FSTL4: variants seen among roughly 807,000 people sequenced by gnomAD.
FSTL4 encodes follistatin-related protein 4.
FSTL4 carries 28 observed loss-of-function variants against 78.2 expected under a neutral mutation model. The observed-to-expected ratio is 0.36, with a 90% confidence interval of 0.27 to 0.49. FSTL4 has a LOEUF of 0.49. FSTL4 is among the 20% of genes least tolerant of loss of function. The pLI is 0.98. For synonymous variants in FSTL4, 422 were observed against 440.5 expected, an observed-to-expected ratio of 0.96 and a Z score of 0.53; for missense variants, 922 against 1,084.9, an observed-to-expected ratio of 0.85 and a Z score of 2.11.
chr5:133,772,589 G>T, the FSTL4 span, among the ~76,000 whole-genome samples: 1 of 152,132 alleles, frequency 6.6e-6, no homozygotes, highest in Non-Finnish European at 1.5e-5. Flanking sequence ...CAAGTTCAAG[G>T]GGCCATACCT....
intron 4 of FSTL4, among the ~76,000 whole-genome samples, chr5:133,379,174 C>G (rs1418616417): frequency 1.3e-5 from 2 of 151,876 alleles, no homozygotes; most frequent in African/African-American, 4.8e-5. Flanking sequence ...GTTATATAAA[C>G]AGATAATAAT....
intron 3 of FSTL4, among the ~76,000 whole-genome samples, chr5:133,449,366 C>T (rs879204550): frequency 6.6e-6 from 1 of 152,324 alleles, no homozygotes; most frequent in Non-Finnish European, 1.5e-5. Context: ...TCAGGCACCA[C>T]ACAGAACCCT....
chr5:133,387,295 TGG>T (rs1755722860), intron 4 of FSTL4, among the ~76,000 whole-genome samples: 1 of 152,192 alleles, frequency 6.6e-6, no homozygotes, highest in South Asian at 2.1e-4. Context: ...GTCCAGTAAC[TGG>T]GAAAGTTATC....
chr5:133,776,089 G>A, the FSTL4 span, among the ~76,000 whole-genome samples: 2 of 152,080 alleles, frequency 1.3e-5, no homozygotes, highest in African/African-American at 4.8e-5. Flanking sequence ...TAGAGCAGGG[G>A]CTGAACATGC....
chr5:133,575,004 T>G (rs1319188515), intron 2 of FSTL4: 2 of 152,186 alleles, frequency 1.3e-5, no homozygotes, highest in Non-Finnish European at 2.9e-5. Flanking sequence ...TATGTTCACT[T>G]ACAAAATATT....
Position 133,316,672 on chromosome 5 carries a change from T to C in FSTL4, c.410-20A>G. 6.3e-7 allele frequency: 1 copy of C among 1,590,692 alleles called. No individual in the cohort carries two copies. The highest frequency in any genetic ancestry group is 1.1e-5 in the South Asian group (1 of 90,056). ...TGTCACCTGAAAGAGAAGGTGAGGT[T>C]ATTATTTTGAGACTTATCCCGTGGT... On this transcript the variant is annotated intron_variant, in intron 4 of 15. Coordinates refer to ENST00000265342, the MANE Select transcript of FSTL4 (RefSeq NM_015082.2).
At chr5:133,278,178 G>A (rs746105328) in intron 6 of FSTL4, among the ~76,000 whole-genome samples, 1 of 152,200 alleles carries the variant, frequency 6.6e-6, no homozygotes, top group Non-Finnish European at 1.5e-5. Context: ...CAGAAGCAGA[G>A]AGGTCCCATG....
rs181263036 is a variant in FSTL4 at position 133,330,707 on chromosome 5, A to G, written c.410-14055T>C. 2.8e-4 allele frequency among the ~76,000 whole-genome samples: 42 copies of G among 152,280 alleles called. 1 individual carries two copies. The East Asian group carries it at 6.9e-3, about 25-fold the overall frequency. ...TCAAATATATGTCATATTTGATGAC[A>G]TGTATCCATTTCAAGATAATAAAGG... On this transcript the variant is annotated intron_variant, in intron 4 of 15. Coordinates refer to ENST00000265342, the MANE Select transcript of FSTL4 (RefSeq NM_015082.2).
the FSTL4 span, among the ~76,000 whole-genome samples, chr5:133,742,359 C>T: frequency 6.6e-6 from 1 of 152,158 alleles, no homozygotes; most frequent in South Asian, 2.1e-4. Flanking sequence ...TAAGCACAGA[C>T]ATTTACAACC....
intron 3 of FSTL4, among the ~76,000 whole-genome samples, chr5:133,529,663 TC>T (rs1260650911): frequency 6.6e-6 from 1 of 152,036 alleles, no homozygotes; most frequent in Admixed American, 6.6e-5. Context: ...AGCTAAAAGA[TC>T]CCCAACCCAG....
the FSTL4 span, among the ~76,000 whole-genome samples, chr5:133,702,334 A>C: frequency 6.6e-6 from 1 of 152,182 alleles, no homozygotes; most frequent in Non-Finnish European, 1.5e-5. Flanking sequence ...AGCTCTAGAG[A>C]AGGCTATGGC....
At chr5:133,796,563 A>T in the FSTL4 span, among the ~76,000 whole-genome samples, 1 of 152,134 alleles carries the variant, frequency 6.6e-6, no homozygotes, top group African/African-American at 2.4e-5. Context: ...CCCCTGGAGC[A>T]TGACTGTCCA....
chr5:133,841,123 C>T, the FSTL4 span, among the ~76,000 whole-genome samples: 1 of 152,220 alleles, frequency 6.6e-6, no homozygotes, highest in Non-Finnish European at 1.5e-5. Context: ...GTGTCCACAA[C>T]AGTATCAGAC....
At chr5:133,210,500 A>C (rs1457226433) in intron 13 of FSTL4, among the ~76,000 whole-genome samples, 1 of 128,190 alleles carries the variant, frequency 7.8e-6, no homozygotes, top group Non-Finnish European at 1.7e-5. Context: ...TATTATTATT[A>C]TTAATTTTTG....
At chr5:133,434,787 A>G (rs1285434964) in intron 3 of FSTL4, among the ~76,000 whole-genome samples, 1 of 151,934 alleles carries the variant, frequency 6.6e-6, no homozygotes, top group Non-Finnish European at 1.5e-5. Context: ...GAATTTTATC[A>G]TTAAAAATTG....
intron 4 of FSTL4, among the ~76,000 whole-genome samples, chr5:133,386,100 T>A (rs1267092030): frequency 2.6e-5 from 4 of 152,192 alleles, no homozygotes; most frequent in Non-Finnish European, 5.9e-5. Context: ...CCTGCCAAGT[T>A]AGGGGTAATA....
intron 3 of FSTL4, among the ~76,000 whole-genome samples, chr5:133,504,562 G>A (rs1303360858): frequency 6.6e-6 from 1 of 152,106 alleles, no homozygotes; most frequent in Admixed American, 6.5e-5. Context: ...ACTGCTTTTA[G>A]GATCAACTCA....
At chr5:133,373,240 T>A (rs761801852) in intron 4 of FSTL4, among the ~76,000 whole-genome samples, 39 of 152,192 alleles carry the variant, frequency 2.6e-4, no homozygotes, top group Non-Finnish European at 5.1e-4. Context: ...CCTGCGGCTA[T>A]TACGAAGAGC....
chr5:133,330,957 A>C (rs556095958), intron 4 of FSTL4, among the ~76,000 whole-genome samples: 2 of 152,226 alleles, frequency 1.3e-5, no homozygotes, highest in South Asian at 2.1e-4. Context: ...ACACACGTGC[A>C]CCTGTGTGCA....
Sources: allele counts gnomAD v4.1 joint callset (sites outside exome capture counted in the v4.1 genomes callset), GRCh38; gene constraint gnomAD v4.1.1; transcripts MANE v1.5; gene names NCBI Gene and HGNC (gene_info 2026-07-23, HGNC 2026-07-21).